B3GALT5: variants seen among roughly 807,000 people sequenced by gnomAD.
B3GALT5 encodes the protein beta-1,3-galactosyltransferase 5.
For missense variants in B3GALT5, 328 were observed against 396.6 expected (o/e 0.83, Z 1.47); for synonymous variants, 156 against 158.6 (o/e 0.98, Z 0.12).
At chr21:39,622,456 A>C (rs544899743) in intron 1 of B3GALT5, among the ~76,000 whole-genome samples, 23 of 151,960 alleles carry the variant, frequency 1.5e-4, no homozygotes, top group Non-Finnish European at 2.5e-4. Flanking sequence ...ATATTATACT[A>C]TCTATATTAT....
intron 2 of B3GALT5, among the ~76,000 whole-genome samples, chr21:39,650,188 T>G (rs2079381837): frequency 6.6e-6 from 1 of 152,160 alleles, no homozygotes; most frequent in Non-Finnish European, 1.5e-5. Context: ...ATAAAATAAA[T>G]ACAGGTGATT....
rs1012184713 is a variant in B3GALT5, at chr21:39,667,605, G to A, written c.*6113G>A. The stretch of plus-strand genomic sequence containing the variant: ...AGGGCACAGCTAGCCCTGTGCACCT[G>A]TAGAAACTGTACTGACGTACAGCCT... On this transcript the variant is annotated 3_prime_UTR_variant, in exon 4 of 4. Transcript: ENST00000684187. 6.6e-6 allele frequency: 1 copy of A among 152,244 alleles called. No homozygotes were observed. Among genetic ancestry groups the A allele is most frequent in the African/African-American group, 2.4e-5 (1 of 41,460 alleles). 9.4% of individuals were successfully genotyped at this position (152,244 alleles called of 1,614,324 possible). A position where few individuals can be genotyped will look rare whatever the true frequency, so the allele number is the denominator to read the frequency against.
chr21:39,620,602 G>A (rs1299629053), intron 1 of B3GALT5, among the ~76,000 whole-genome samples: 3 of 152,204 alleles, frequency 2.0e-5, no homozygotes, highest in African/African-American at 7.2e-5. Context: ...GAGCTAAAGG[G>A]ATGTGTGCTG....
chr21:39,629,598 T>C (rs1462152725), intron 1 of B3GALT5, among the ~76,000 whole-genome samples: 2 of 152,234 alleles, frequency 1.3e-5, no homozygotes, highest in African/African-American at 2.4e-5. Context: ...GTCTTTTTCT[T>C]TCTTTCATAA....
rs734413 is a variant in B3GALT5, at chr21:39,660,877, G to A, written c.318G>A (p.Thr106=). 1,257,777 of 1,611,368 alleles carry A rather than the reference G, an allele frequency of 0.78. 499,415 individuals carry two copies. Among genetic ancestry groups the A allele is most frequent in the Non-Finnish European group, 0.81 (956,080 of 1,178,726 alleles). Residue 106 remains threonine (T), a synonymous_variant, in exon 4 of 4, where the codon ACG becomes ACA. Transcript: ENST00000684187. ...GGACCACCAGCAGTGCAGCGGAAACGAAAGAGGTGGACCAGGAGAGCCAGC... is the reference window on the plus strand; with the variant it reads ...GGACCACCAGCAGTGCAGCGGAAACAAAAGAGGTGGACCAGGAGAGCCAGC... ...LLGTTSSAAE[T]KEVDQESQRH...
intron 2 of B3GALT5, among the ~76,000 whole-genome samples, chr21:39,654,803 A>G (rs944237076): frequency 6.6e-6 from 1 of 152,268 alleles, no homozygotes; most frequent in Non-Finnish European, 1.5e-5. Context: ...AAAGGATCAG[A>G]TGAACATTAG....
intron 2 of B3GALT5, among the ~76,000 whole-genome samples, chr21:39,656,901 G>A (rs778598210): frequency 2.6e-5 from 4 of 152,208 alleles, no homozygotes; most frequent in Non-Finnish European, 5.9e-5. Context: ...CAACCAGCTT[G>A]TGCACAGTTC....
intron 1 of B3GALT5, chr21:39,630,371 G>A (rs1418856760): frequency 6.6e-6 from 1 of 152,058 alleles, no homozygotes; most frequent in African/African-American, 2.4e-5. Flanking sequence ...GTTGGAGGGG[G>A]GTTTTCCAAG....
Position 39,651,789 on chromosome 21 carries a change from AT to A in B3GALT5, c.-161+5168del, listed in dbSNP as rs931150713. On this transcript the variant is annotated intron_variant, in intron 2 of 3. Transcript: ENST00000684187. ...AAGTTAAGGCAGTTTTTTTTATCAG[AT>A]CTAGAGCTGGAAATCATTGTTAAAT... is the stretch of plus-strand genomic sequence containing the variant. Among the ~76,000 whole-genome samples the A allele has an allele frequency of 4.1e-4, 63 of 152,132 alleles. 1 individual carries two copies. The highest frequency in any genetic ancestry group is 1.5e-3 in the African/African-American group (63 of 41,508).
intron 1 of B3GALT5, among the ~76,000 whole-genome samples, chr21:39,639,892 G>A (rs540124333): frequency 1.4e-4 from 22 of 152,224 alleles, no homozygotes; most frequent in African/African-American, 5.3e-4. Context: ...CTTCATGCAC[G>A]TGAAGAGAAT....
At position 39,659,846 on chromosome 21, in the gene B3GALT5, A is replaced by T; in HGVS notation, c.-67A>T. ...CTACACTGACAGTTCTTTGAGACAA[A>T]TTTCCTCTTGGCATTTACACTGTGG... On this transcript the variant is annotated 5_prime_UTR_variant, in exon 3 of 4. Transcript: ENST00000684187. 1.0e-6 allele frequency: 1 copy of T among 985,260 alleles called. No individual in the cohort carries two copies. Among genetic ancestry groups the T allele is most frequent in the Non-Finnish European group, 1.2e-6 (1 of 829,892 alleles). 61.0% of individuals were successfully genotyped at this position (985,260 alleles called of 1,614,324 possible).
rs905149883 is a variant in B3GALT5 at position 39,661,657 on chromosome 21, C to G, written c.*165C>G. The G allele has an allele frequency of 4.9e-5, 31 of 637,908 alleles. No individual in the cohort carries two copies. The highest frequency in any genetic ancestry group is 4.4e-4 in the Middle Eastern group (1 of 2,276). The allele number at this position is 637,908 out of a possible 1,614,324, so 39.5% of individuals were successfully genotyped here. A position where few individuals can be genotyped will look rare whatever the true frequency, so the allele number is the denominator to read the frequency against. On this transcript the variant is annotated 3_prime_UTR_variant, in exon 4 of 4. Coordinates refer to ENST00000684187, the MANE Select transcript of B3GALT5 (RefSeq NM_001356336.2). The surrounding 1 kb of genome is among the most constrained non-coding windows in gnomAD (Gnocchi z 4.7). ...TCACTGATTAGTTCCCACTTGGTGC[C>G]CCAGGCAATAATAGGCCCGTCTCTT...
At chr21:39,644,594 A>G (rs904154248) in intron 1 of B3GALT5, among the ~76,000 whole-genome samples, 7 of 152,184 alleles carry the variant, frequency 4.6e-5, no homozygotes, top group Non-Finnish European at 7.3e-5. Flanking sequence ...TTACAGAACC[A>G]TTGTCTGACC....
intron 2 of B3GALT5, among the ~76,000 whole-genome samples, chr21:39,648,477 A>G (rs1160748235): frequency 6.6e-6 from 1 of 152,122 alleles, no homozygotes; most frequent in Non-Finnish European, 1.5e-5. Context: ...TTAGGAGAGA[A>G]TAAGAGTCTA....
chr21:39,620,850 T>C (rs2079130916), intron 1 of B3GALT5, among the ~76,000 whole-genome samples: 1 of 152,218 alleles, frequency 6.6e-6, no homozygotes, highest in Non-Finnish European at 1.5e-5. Flanking sequence ...GCCTATGTGG[T>C]CTGACATAAT....
chr21:39,644,105 T>C (rs556708479), intron 1 of B3GALT5, among the ~76,000 whole-genome samples: 1 of 152,222 alleles, frequency 6.6e-6, no homozygotes, highest in South Asian at 2.1e-4. Flanking sequence ...GCAATTTTCA[T>C]GTGAGAGGTG....
chr21:39,618,861 T>C (rs2079120565), intron 1 of B3GALT5, among the ~76,000 whole-genome samples: 1 of 152,218 alleles, frequency 6.6e-6, no homozygotes, highest in Non-Finnish European at 1.5e-5. Context: ...TCTTCCCCAC[T>C]CTAAGGCTAT....
Position 39,662,762 on chromosome 21 carries a change from A to G in B3GALT5, c.*1270A>G, listed in dbSNP as rs923917587. ...TTCAGCCATGGTCACGTGACATGCA[A>G]AGTAATCTTGCTCCTAATTATAGAA... is the stretch of plus-strand genomic sequence containing the variant. On this transcript the variant is annotated 3_prime_UTR_variant, in exon 4 of 4. Coordinates refer to ENST00000684187, the MANE Select transcript of B3GALT5 (RefSeq NM_001356336.2). 6.0e-6 allele frequency: 1 copy of G among 167,202 alleles called. No individual in the cohort carries two copies. The highest frequency in any genetic ancestry group is 1.5e-5 in the Non-Finnish European group (1 of 68,130). 10.4% of individuals were successfully genotyped at this position (167,202 alleles called of 1,614,324 possible). A position where few individuals can be genotyped will look rare whatever the true frequency, so the allele number is the denominator to read the frequency against.
Position 39,667,242 on chromosome 21 carries a change from CTG to C in B3GALT5, c.*5751_*5752del, listed in dbSNP as rs1430170200. On this transcript the variant is annotated 3_prime_UTR_variant, in exon 4 of 4. Coordinates refer to ENST00000684187, the MANE Select transcript of B3GALT5 (RefSeq NM_001356336.2). ...GCCACGCCGTCCGTGAGAGGTCAGA[CTG>C]GTGATTTCCAACTCCCGCCGGGCAC... 1 of 152,200 alleles carries C rather than the reference CTG, an allele frequency of 6.6e-6. No individual in the cohort carries two copies. Among genetic ancestry groups the C allele is most frequent in the Non-Finnish European group, 1.5e-5 (1 of 68,050 alleles). The allele number at this position is 152,200 out of a possible 1,614,324, so 9.4% of individuals were successfully genotyped here.
Sources: allele counts gnomAD v4.1 joint callset (sites outside exome capture counted in the v4.1 genomes callset), GRCh38; gene constraint gnomAD v4.1.1; non-coding constraint Gnocchi (gnomAD v3.1); transcripts MANE v1.5; gene names NCBI Gene and HGNC (gene_info 2026-07-23, HGNC 2026-07-21).